The following SF3A1 variants were observed in gnomAD, a reference collection of about 807,000 sequenced individuals.
SF3A1 encodes SAP 114.
Under a neutral mutation model 89.9 loss-of-function variants are expected in SF3A1, and 13 were observed. The observed-to-expected ratio is 0.14, with a 90% CI of 0.09 to 0.23. The LOEUF is 0.23. Ranked by LOEUF, SF3A1 falls within the 10% of genes least tolerant of loss-of-function variation. The probability of loss-of-function intolerance (pLI) is 1.00; values close to 1 mark genes in which losing one functional copy is unlikely to be tolerated. For missense variants in SF3A1, 604 were observed against 1,022.1 expected (o/e 0.59, Z 5.58); for synonymous variants, 405 against 374.4 (o/e 1.08, Z -0.94).
chr22:30,340,215 A>G lies in SF3A1; in HGVS notation c.1356T>C (p.Asp452=), dbSNP rs1350574321. Residue 452 remains aspartate, a synonymous_variant, in exon 9 of 16, where the codon GAT becomes GAC. Transcript: ENST00000215793. Reference sequence around the variant, plus strand: ...CCTCACCTGGTGCGTACACCTCATCATCGCTCTGCTTCTCACGGATGGAGC... The same window carrying G: ...CCTCACCTGGTGCGTACACCTCATCGTCGCTCTGCTTCTCACGGATGGAGC... ...RDRSIREKQS[D]DEVYAPGLDI... 1 of 1,583,552 alleles carries G rather than the reference A, an allele frequency of 6.3e-7. No individual in the cohort carries two copies. The highest frequency in any genetic ancestry group is 2.3e-5 in the East Asian group (1 of 44,222).
chr22:30,343,991 A>C (rs1931343080), intron 4 of SF3A1, among the ~76,000 whole-genome samples: 1 of 152,264 alleles, frequency 6.6e-6, no homozygotes, highest in South Asian at 2.1e-4. Context: ...GAAGGAAAAC[A>C]ACCTCCATGA....
At position 30,341,588 on chromosome 22, in the gene SF3A1, CTTTCAAGGCTCACAGG is replaced by C; in HGVS notation, c.1071+88_1071+103del. The C allele has an allele frequency of 8.0e-4, 527 of 656,148 alleles. 67 individuals carry two copies. Among genetic ancestry groups the C allele is most frequent in the Middle Eastern group, 3.0e-3 (7 of 2,330 alleles). The allele number at this position is 656,148 out of a possible 1,614,324, so 40.6% of individuals were successfully genotyped here. ...TGGCCTTGTTCAGGACCCACGCCTC[CTTTCAAGGCTCACAGG>C]GGAGCTGGATCTGACTGGTGGAGAG... On this transcript the variant is annotated intron_variant, in intron 7 of 15. Transcript: ENST00000215793.
At chr22:30,343,516 G>A (rs552220661) in intron 4 of SF3A1, among the ~76,000 whole-genome samples, 2 of 152,316 alleles carry the variant, frequency 1.3e-5, no homozygotes, top group East Asian at 1.9e-4. Flanking sequence ...TACTGCCACT[G>A]GCAAAGTGGC....
At chr22:30,342,006 C>G in intron 6 of SF3A1, 121 bp from the exon 7 acceptor site, 1 of 1,206,182 alleles carries the variant, frequency 8.3e-7, no homozygotes, top group Non-Finnish European at 1.2e-6. Context: ...AGAGGCCCAT[C>G]TAGGGTCTGG....
chr22:30,341,586 T>C, intron 7 of SF3A1, 106 bp downstream of exon 7: 1 of 693,562 alleles, frequency 1.4e-6, no homozygotes, highest in Non-Finnish European at 2.3e-6. Context: ...GACCCACGCC[T>C]CCTTTCAAGG....
rs200915294 is a variant in SF3A1, at chr22:30,335,545, G to A, written c.2209-7C>T. The A allele has an allele frequency of 4.8e-5, 78 of 1,614,122 alleles. No individual in the cohort carries two copies. In the East Asian group the frequency reaches 1.7e-3, roughly 36 times the overall value. Reference sequence around the variant, plus strand: ...TCACCTTAATGACAGAGACCTGTGGGATCAAGCAGCGGTCATTCAACTCCT... The same window carrying A: ...TCACCTTAATGACAGAGACCTGTGGAATCAAGCAGCGGTCATTCAACTCCT... On this transcript the variant is annotated splice_region_variant and splice_polypyrimidine_tract_variant and intron_variant, in intron 14 of 15. Coordinates refer to ENST00000215793, the MANE Select transcript of SF3A1 (RefSeq NM_005877.6).
chr22:30,335,583 C>T lies in SF3A1; in HGVS notation c.2209-45G>A, dbSNP rs773192007. 3 of 1,612,006 alleles carry T rather than the reference C, an allele frequency of 1.9e-6. No individual in the cohort carries two copies. The South Asian group carries it at 3.3e-5, about 18-fold the overall frequency. The stretch of plus-strand genomic sequence containing the variant: ...TCATTCAACTCCTTGGTAAGGCCAG[C>T]TAGAGGAAGCTTTCCCCTGAATGCT... On this transcript the variant is annotated intron_variant, in intron 14 of 15. Coordinates refer to ENST00000215793, the MANE Select transcript of SF3A1 (RefSeq NM_005877.6).
In SF3A1 at chr22:30,334,583, G is replaced by T. The variant is rs201154972; in HGVS notation, c.*11C>A. On this transcript the variant is annotated 3_prime_UTR_variant, in exon 16 of 16. Transcript: ENST00000215793. ...CAAAATGGCAGGGACTTGACAGCAGGTTCCTCTTGTCTACTTCTTCCTCCC... is the reference window on the plus strand; with the variant it reads ...CAAAATGGCAGGGACTTGACAGCAGTTTCCTCTTGTCTACTTCTTCCTCCC... 740 of 1,537,834 alleles carry T rather than the reference G, an allele frequency of 4.8e-4. 4 individuals are homozygous for T. In the African/African-American group the frequency reaches 8.5e-3, roughly 18 times the overall value.
At chr22:30,344,263 T>C (rs1321870943) in intron 4 of SF3A1, among the ~76,000 whole-genome samples, 1 of 152,228 alleles carries the variant, frequency 6.6e-6, no homozygotes, top group Non-Finnish European at 1.5e-5. Context: ...AACATAGCAA[T>C]AGTGGCTACC....
chr22:30,348,681 C>A (rs1188996340), intron 2 of SF3A1, among the ~76,000 whole-genome samples: 1 of 152,168 alleles, frequency 6.6e-6, no homozygotes. Context: ...ATTAGTCTAA[C>A]TGGAACCTCA....
At chr22:30,346,591 T>G in intron 2 of SF3A1, 72 bp from the exon 3 acceptor site, 1 of 1,545,294 alleles carries the variant, frequency 6.5e-7, no homozygotes, top group Non-Finnish European at 8.8e-7. Context: ...CACTGCCCAT[T>G]GGAACGTCCT....
intron 4 of SF3A1, among the ~76,000 whole-genome samples, chr22:30,343,196 T>C (rs1422526543): frequency 6.6e-6 from 1 of 152,186 alleles, no homozygotes; most frequent in African/African-American, 2.4e-5. Context: ...GCTGCTTTCA[T>C]GACACTGACC....
intron 2 of SF3A1, among the ~76,000 whole-genome samples, chr22:30,348,986 C>G (rs1324396248): frequency 6.6e-6 from 1 of 152,214 alleles, no homozygotes; most frequent in Admixed American, 6.5e-5. Context: ...TAGAATCATA[C>G]TCTCCACCAG....
At chr22:30,346,585 G>A in intron 2 of SF3A1, 66 bp from the exon 3 acceptor site, 2 of 1,566,564 alleles carry the variant, frequency 1.3e-6, no homozygotes, top group Non-Finnish European at 1.7e-6. Flanking sequence ...CTAGAACACT[G>A]CCCATTGGAA....
intron 1 of SF3A1, 59 bp downstream of exon 1, chr22:30,356,671 G>GCTCCTT: frequency 7.7e-7 from 1 of 1,304,368 alleles, no homozygotes; most frequent in Non-Finnish European, 1.0e-6. Flanking sequence ...ATTCCTGTGC[G>GCTCCTT]AGTAAGGAGC....
intron 1 of SF3A1, among the ~76,000 whole-genome samples, chr22:30,356,146 G>A (rs1031217606): frequency 1.3e-5 from 2 of 152,234 alleles, no homozygotes; most frequent in Middle Eastern, 3.4e-3. Context: ...GATGGCCATT[G>A]GGACAACAAA....
chr22:30,350,581 T>C (rs1429988016), intron 2 of SF3A1, among the ~76,000 whole-genome samples: 1 of 152,006 alleles, frequency 6.6e-6, no homozygotes, highest in Admixed American at 6.5e-5. Context: ...ATCCCCTTAA[T>C]AAAGGACCAC....
intron 1 of SF3A1, 160 bp downstream of exon 1, chr22:30,356,570 T>G (rs1478111132): frequency 3.8e-6 from 2 of 531,218 alleles, no homozygotes; most frequent in Non-Finnish European, 5.9e-6. Context: ...GGGTGGCTCA[T>G]TTCGCTACCA....
At chr22:30,352,836 T>A in intron 2 of SF3A1, 115 bp downstream of exon 2, 2 of 1,336,694 alleles carry the variant, frequency 1.5e-6, no homozygotes, top group Non-Finnish European at 2.1e-6. Flanking sequence ...TGTGGTTTTT[T>A]ATGAACTAAA....
Sources: allele counts gnomAD v4.1 joint callset (sites outside exome capture counted in the v4.1 genomes callset), GRCh38; gene constraint gnomAD v4.1.1; transcripts MANE v1.5; gene names NCBI Gene and HGNC (gene_info 2026-07-23, HGNC 2026-07-21).